The following CDH12 variants were observed in gnomAD, a reference collection of about 807,000 sequenced individuals.
CDH12 encodes cadherin 12, also known as cadherin-12.
CDH12 carries 41 observed loss-of-function variants against 74.1 expected under a neutral mutation model. The observed-to-expected ratio is 0.55, with a 90% CI of 0.43 to 0.72. The LOEUF is 0.72. Ranked by LOEUF, CDH12 falls within the 30% of genes least tolerant of loss-of-function variation. The pLI is 0.00. For synonymous variants in CDH12, 399 were observed against 355.0 expected, an observed-to-expected ratio of 1.12 and a Z score of -1.39; for missense variants, 945 against 977.2, an observed-to-expected ratio of 0.97 and a Z score of 0.44.
intron 6 of CDH12, among the ~76,000 whole-genome samples, chr5:21,956,432 A>G (rs1235294038): frequency 2.6e-5 from 4 of 152,078 alleles, no homozygotes; most frequent in African/African-American, 9.7e-5. Context: ...TAATGTAATT[A>G]TTATTCCCTC....
At chr5:22,427,565 T>G in intron 2 of CDH12, among the ~76,000 whole-genome samples, 1 of 152,198 alleles carries the variant, frequency 6.6e-6, no homozygotes, top group East Asian at 1.9e-4. Context: ...TCTTTGTCTT[T>G]ACTCTATTTC....
chr5:22,079,210 T>G (rs1287706630), intron 4 of CDH12, among the ~76,000 whole-genome samples: 1 of 152,186 alleles, frequency 6.6e-6, no homozygotes, highest in African/African-American at 2.4e-5. Flanking sequence ...ATTATTGACA[T>G]CTTAGGGTTG....
intron 4 of CDH12, among the ~76,000 whole-genome samples, chr5:22,117,495 A>ATATAATTATATATATAATATATATAT: frequency 1.3e-5 from 1 of 74,268 alleles, no homozygotes; most frequent in Admixed American, 2.0e-4. Context: ...TATATTATAT[A>ATATAATTATATATATAATATATATAT]TATATAATAT....
intron 4 of CDH12, among the ~76,000 whole-genome samples, chr5:22,211,037 C>G (rs1751503828): frequency 6.6e-6 from 1 of 152,124 alleles, no homozygotes; most frequent in South Asian, 2.1e-4. Context: ...CTTTGGGAAC[C>G]TTGAAAATAG....
chr5:22,626,278 C>T lies in CDH12; in HGVS notation c.-522-120914G>A, dbSNP rs561811776. 9.8e-5 allele frequency among the ~76,000 whole-genome samples: 15 copies of T among 152,326 alleles called. No individual in the cohort carries two copies. In the South Asian group the frequency reaches 2.7e-3, roughly 27 times the overall value. On this transcript the variant is annotated intron_variant, in intron 1 of 14. Transcript: ENST00000382254. ...TGATGCATCACTGCAGCTTCTGACA[C>T]ATGCGGGCAAACACAGATTCCACTG... is the stretch of plus-strand genomic sequence containing the variant.
intron 2 of CDH12, among the ~76,000 whole-genome samples, chr5:22,428,958 T>A (rs1744056070): frequency 6.6e-6 from 1 of 152,140 alleles, no homozygotes; most frequent in Admixed American, 6.5e-5. Context: ...TGTTTTCACA[T>A]CACATTTTTA....
At position 22,212,500 on chromosome 5, in the gene CDH12, T is replaced by G. The variant is rs1751599292; in HGVS notation, c.-189A>C. 1 of 977,540 alleles carries G rather than the reference T, an allele frequency of 1.0e-6. No homozygotes were observed. The highest frequency in any genetic ancestry group is 1.7e-5 in the African/African-American group (1 of 57,148). The allele number at this position is 977,540 out of a possible 1,614,324, so 60.6% of individuals were successfully genotyped here. A position where few individuals can be genotyped will look rare whatever the true frequency, so the allele number is the denominator to read the frequency against. On this transcript the variant is annotated splice_region_variant and 5_prime_UTR_variant, in exon 4 of 15. Transcript: ENST00000382254. The stretch of plus-strand genomic sequence containing the variant: ...CACCCGGATAAAGCAGCACTTACCT[T>G]AATTGAAATTTTCTCTGTGAACGAG...
intron 3 of CDH12, among the ~76,000 whole-genome samples, chr5:22,379,412 C>T (rs566456680): frequency 9.9e-5 from 15 of 152,198 alleles, no homozygotes; most frequent in African/African-American, 3.6e-4. Flanking sequence ...ACTTAAGTTC[C>T]TCTGGATCAC....
chr5:21,822,990 ATAG>A (rs1396871328), intron 8 of CDH12, among the ~76,000 whole-genome samples: 3 of 152,198 alleles, frequency 2.0e-5, no homozygotes, highest in Admixed American at 6.6e-5. Flanking sequence ...TTATCTTTGC[ATAG>A]TAGATTAATT....
chr5:22,282,896 C>A (rs1183526597), intron 3 of CDH12, among the ~76,000 whole-genome samples: 1 of 151,978 alleles, frequency 6.6e-6, no homozygotes, highest in South Asian at 2.1e-4. Context: ...TGAGTGTATA[C>A]CCAAAGGATT....
chr5:22,231,619 A>ATATT (rs1045655071), intron 3 of CDH12, among the ~76,000 whole-genome samples: 5 of 152,010 alleles, frequency 3.3e-5, no homozygotes, highest in South Asian at 4.1e-4. Flanking sequence ...ACTATGAGGC[A>ATATT]TATTTATCTC....
At chr5:22,481,397 CT>C (rs1746378333) in intron 2 of CDH12, among the ~76,000 whole-genome samples, 1 of 152,098 alleles carries the variant, frequency 6.6e-6, no homozygotes, top group African/African-American at 2.4e-5. Flanking sequence ...ATATCTGTAC[CT>C]TCATGTTCAT....
intron 1 of CDH12, among the ~76,000 whole-genome samples, chr5:22,633,340 G>A (rs937941129): frequency 1.3e-5 from 2 of 152,090 alleles, no homozygotes; most frequent in Non-Finnish European, 2.9e-5. Flanking sequence ...AAGTGCAATG[G>A]ATTCTTGTTT....
At chr5:22,026,721 C>A (rs997064843) in intron 5 of CDH12, among the ~76,000 whole-genome samples, 4 of 152,138 alleles carry the variant, frequency 2.6e-5, no homozygotes, top group African/African-American at 4.8e-5. Flanking sequence ...CCTGACAACA[C>A]TGGATGTGCC....
chr5:22,512,236 G>A (rs1036284526), intron 1 of CDH12, among the ~76,000 whole-genome samples: 2 of 152,274 alleles, frequency 1.3e-5, no homozygotes, highest in Non-Finnish European at 1.5e-5. Flanking sequence ...AGCTTACAAA[G>A]TGATAAGAGT....
intron 1 of CDH12, among the ~76,000 whole-genome samples, chr5:22,712,830 C>A (rs772121536): frequency 6.6e-6 from 1 of 152,060 alleles, no homozygotes; most frequent in African/African-American, 2.4e-5. Context: ...ATTTTCCCAA[C>A]AAATAAAAAA....
chr5:22,742,512 G>T (rs1265123535), intron 1 of CDH12, among the ~76,000 whole-genome samples: 2 of 151,924 alleles, frequency 1.3e-5, no homozygotes, highest in Non-Finnish European at 2.9e-5. Context: ...ACGAAAAATG[G>T]GTTACTCTGC....
At chr5:21,807,762 A>G (rs1481402118) in intron 9 of CDH12, among the ~76,000 whole-genome samples, 1 of 152,120 alleles carries the variant, frequency 6.6e-6, no homozygotes, top group Non-Finnish European at 1.5e-5. Context: ...CTCTGTGTGC[A>G]ATGACTCTGC....
At chr5:21,779,139 T>C (rs891980036) in intron 11 of CDH12, 3 of 152,228 alleles carry the variant, frequency 2.0e-5, no homozygotes, top group African/African-American at 4.8e-5. Context: ...ATCACCTTTT[T>C]ATTTTATAAT....
Sources: gnomAD v4.1 joint callset for allele counts (sites outside exome capture counted in the v4.1 genomes callset) on GRCh38, gnomAD v4.1.1 for gene constraint, MANE v1.5 for transcripts, NCBI Gene and HGNC (gene_info 2026-07-23, HGNC 2026-07-21) for gene names.